The following TTC28 variants were observed in gnomAD, a reference collection of about 807,000 sequenced individuals.
The protein encoded by TTC28 is tetratricopeptide repeat protein 28.
TTC28 carries 61 observed loss-of-function variants against 198.0 expected under a neutral mutation model. The ratio of observed to expected loss-of-function variants is 0.31; its 90% CI spans 0.25 to 0.38. The LOEUF (loss-of-function observed/expected upper bound fraction) is 0.38. Ranked by LOEUF, TTC28 falls within the 10% of genes least tolerant of loss-of-function variation. The pLI is 1.00. For missense variants in TTC28, 2,678 were observed against 3,164.0 expected, an observed-to-expected ratio of 0.85 and a Z score of 3.69; for synonymous variants, 1,171 against 1,297.8, an observed-to-expected ratio of 0.90 and a Z score of 2.10.
rs768571302 is a variant in TTC28 at position 28,163,445 on chromosome 22, A to G, written c.1088T>C (p.Val363Ala). 1.9e-6 allele frequency: 3 copies of G among 1,551,556 alleles called. No individual in the cohort carries two copies. The African/African-American group carries it at 4.1e-5, about 21-fold the overall frequency. The part of the protein sequence containing the change: ...EARELGNMGA[V>A]YIAMGDFENA... ...CTCAAAGTCACCCATGGCAATATAC[A>G]CAGCTCCCATGTTGCCAAGTTCTCG... Residue 363 changes from valine (V) to alanine (A), a missense_variant, in exon 6 of 23, where the codon GTG (valine) becomes GCG (alanine). Physicochemically the swap from Val to Ala is moderately conservative, Grantham distance 64 (BLOSUM62 0). This residue lies in a region of TTC28 where 775 missense variants were observed against 845.9 expected (regional missense o/e 0.92). Coordinates refer to ENST00000397906, the MANE Select transcript of TTC28 (RefSeq NM_001145418.2).
chr22:28,523,134 G>C (rs2146434276), intron 2 of TTC28, among the ~76,000 whole-genome samples: 1 of 152,100 alleles, frequency 6.6e-6, no homozygotes, highest in South Asian at 2.1e-4. Context: ...TAAAGACACA[G>C]AGAGATCAAA....
chr22:28,363,953 G>A (rs1370084202), intron 2 of TTC28, among the ~76,000 whole-genome samples: 1 of 152,138 alleles, frequency 6.6e-6, no homozygotes, highest in Non-Finnish European at 1.5e-5. Flanking sequence ...GACTTGCCTT[G>A]TTTTGGATGA....
In TTC28 at chr22:28,630,756, C is replaced by A. The variant is rs368859881; in HGVS notation, c.103-926G>T. On this transcript the variant is annotated intron_variant, in intron 1 of 22. Coordinates refer to ENST00000397906, the MANE Select transcript of TTC28 (RefSeq NM_001145418.2). ...AATAATCTTCTCTCAAAGCAGCCAACAAAGGGCCTTGCATGCATATGTGTA... is the reference window on the plus strand; with the variant it reads ...AATAATCTTCTCTCAAAGCAGCCAAAAAAGGGCCTTGCATGCATATGTGTA... Among the ~76,000 whole-genome samples the A allele has an allele frequency of 1.2e-4, 19 of 152,248 alleles. No individual in the cohort carries two copies. In the South Asian group the frequency reaches 3.9e-3, roughly 32 times the overall value.
intron 2 of TTC28, among the ~76,000 whole-genome samples, chr22:28,377,638 A>T (rs2046432093): frequency 6.6e-6 from 1 of 152,160 alleles, no homozygotes; most frequent in African/African-American, 2.4e-5. Context: ...TAGTGAGGCA[A>T]AATTAACGTA....
At chr22:28,170,001 A>C (rs1353060934) in intron 5 of TTC28, among the ~76,000 whole-genome samples, 1 of 152,150 alleles carries the variant, frequency 6.6e-6, no homozygotes, top group African/African-American at 2.4e-5. Flanking sequence ...ATTGATAAAG[A>C]ACACATCCAA....
At position 28,009,315 on chromosome 22, in the gene TTC28, C is replaced by T. The variant is rs118105357; in HGVS notation, c.4218+4933G>A. On this transcript the variant is annotated intron_variant, in intron 14 of 22. Transcript: ENST00000397906. ...TAGTCCCTTAGCAATAGGACTGCGG[C>T]TAAACAAAGGCAGTTGTTCAAATAA... 5.4e-4 allele frequency among the ~76,000 whole-genome samples: 82 copies of T among 152,372 alleles called. 1 individual carries two copies. The East Asian group carries it at 0.014, about 25-fold the overall frequency.
At chr22:28,621,869 A>G (rs1478016080) in intron 2 of TTC28, among the ~76,000 whole-genome samples, 2 of 152,186 alleles carry the variant, frequency 1.3e-5, no homozygotes, top group Non-Finnish European at 2.9e-5. Context: ...GTATGAGACT[A>G]GCTAACTGGA....
chr22:28,250,703 C>G (rs972182874), intron 5 of TTC28, among the ~76,000 whole-genome samples: 3 of 152,196 alleles, frequency 2.0e-5, no homozygotes, highest in African/African-American at 7.2e-5. Flanking sequence ...AAAGTCTGTA[C>G]ATATTTAGTA....
intron 6 of TTC28, among the ~76,000 whole-genome samples, chr22:28,136,328 G>A (rs1943198981): frequency 6.6e-6 from 1 of 151,998 alleles, no homozygotes; most frequent in South Asian, 2.1e-4. Flanking sequence ...AAATTTTTCT[G>A]TAGAGATGAG....
intron 2 of TTC28, among the ~76,000 whole-genome samples, chr22:28,331,071 G>A (rs1046098456): frequency 6.6e-6 from 1 of 152,138 alleles, no homozygotes; most frequent in African/African-American, 2.4e-5. Context: ...ACAGAAAGGA[G>A]AAGAAATGGA....
In TTC28 at chr22:27,993,568, C is replaced by T. The variant is rs1012602042; in HGVS notation, c.5245-50G>A. ...AGAGACCCAGGCCAGCCCTGGTTTC[C>T]ATCCGCATGGCTTTGAGGGTACACA... On this transcript the variant is annotated intron_variant, in intron 17 of 22. Transcript: ENST00000397906. 35 of 1,485,966 alleles carry T rather than the reference C, an allele frequency of 2.4e-5. No individual in the cohort carries two copies. In the African/African-American group the frequency reaches 3.6e-4, roughly 15 times the overall value. 92.0% of individuals were successfully genotyped at this position (1,485,966 alleles called of 1,614,324 possible). A position where few individuals can be genotyped will look rare whatever the true frequency, so the allele number is the denominator to read the frequency against.
intron 12 of TTC28, among the ~76,000 whole-genome samples, chr22:28,079,023 G>A (rs917619469): frequency 6.6e-6 from 1 of 152,174 alleles, no homozygotes; most frequent in Non-Finnish European, 1.5e-5. Context: ...AGGTGCTGTT[G>A]AAGGGTGGGC....
chr22:28,340,942 CT>C (rs1203083205), intron 2 of TTC28, among the ~76,000 whole-genome samples: 2 of 152,098 alleles, frequency 1.3e-5, no homozygotes, highest in Non-Finnish European at 2.9e-5. Flanking sequence ...GCTCAGATGC[CT>C]TTTTCCAGCA....
At chr22:28,086,405 G>C (rs910525481) in intron 12 of TTC28, among the ~76,000 whole-genome samples, 4 of 152,118 alleles carry the variant, frequency 2.6e-5, no homozygotes, top group African/African-American at 9.7e-5. Context: ...ACCTGCTCCT[G>C]AATGACTACT....
intron 5 of TTC28, among the ~76,000 whole-genome samples, chr22:28,234,183 G>A (rs1929050607): frequency 6.6e-6 from 1 of 152,050 alleles, no homozygotes; most frequent in Admixed American, 6.5e-5. Context: ...TGGGATTACA[G>A]GCATGAGCCA....
At position 28,107,695 on chromosome 22, in the gene TTC28, A is replaced by T. The variant is rs41281597; in HGVS notation, c.2150T>A (p.Leu717Gln). The change falls in exon 7 of 23, where the codon CTA becomes CAA. Residue 717 changes from leucine to glutamine, a missense_variant. Around this residue, in one of 8 missense-constraint regions of TTC28, gnomAD observed 775 missense variants for 845.9 expected, o/e 0.92. Coordinates refer to ENST00000397906, the MANE Select transcript of TTC28 (RefSeq NM_001145418.2). ...LNNSQAKFRALGNLGDIFICK... is the reference protein window; with the variant it reads ...LNNSQAKFRAQGNLGDIFICK... The stretch of plus-strand genomic sequence containing the variant: ...GATGAATATATCGCCCAGGTTTCCT[A>T]GGGCTCGAAATTTAGCCTGGGAATT... 1.6e-4 allele frequency: 242 copies of T among 1,551,722 alleles called. No homozygotes were observed. Among genetic ancestry groups the T allele is most frequent in the Non-Finnish European group, 2.0e-4 (230 of 1,146,990 alleles).
chr22:27,992,222 CCT>C (rs1015169007), intron 19 of TTC28, among the ~76,000 whole-genome samples: 2 of 152,178 alleles, frequency 1.3e-5, no homozygotes, highest in African/African-American at 4.8e-5. Context: ...CAAACCTGCC[CCT>C]CTGTGCCCCT....
At chr22:28,209,892 G>A (rs1926767017) in intron 5 of TTC28, among the ~76,000 whole-genome samples, 1 of 152,106 alleles carries the variant, frequency 6.6e-6, no homozygotes, top group African/African-American at 2.4e-5. Context: ...CTCCCAGTAG[G>A]GGCCGACTGA....
chr22:28,628,811 A>C (rs2051119720), intron 2 of TTC28, among the ~76,000 whole-genome samples: 2 of 151,964 alleles, frequency 1.3e-5, no homozygotes, highest in Non-Finnish European at 2.9e-5. Context: ...ATGATGGCAC[A>C]TACCTGTAGT....
Sources: allele counts gnomAD v4.1 joint callset (sites outside exome capture counted in the v4.1 genomes callset), GRCh38; gene constraint gnomAD v4.1.1; regional missense constraint gnomAD v4.1.1; transcripts MANE v1.5; gene names NCBI Gene and HGNC (gene_info 2026-07-23, HGNC 2026-07-21).